The following CHTF18 variants were observed in gnomAD, a reference collection of about 807,000 sequenced individuals.
The protein encoded by CHTF18 is chromosome transmission fidelity factor 18.
A neutral mutation model predicts 113.4 loss-of-function variants in CHTF18; 151 were observed. The ratio of observed to expected loss-of-function variants is 1.33; its 90% confidence interval spans 1.17 to 1.52. CHTF18 has a LOEUF of 1.52. Among genes scored for constraint, CHTF18 ranks in the 40% most tolerant of loss-of-function variants. CHTF18 has a pLI of 0.00. For synonymous variants in CHTF18, 916 were observed against 598.8 expected, an observed-to-expected ratio of 1.53 and a Z score of -7.74; for missense variants, 1,982 against 1,381.6, an observed-to-expected ratio of 1.43 and a Z score of -6.89.
Position 796,760 on chromosome 16 carries a change from A to G in CHTF18, c.2500A>G (p.Lys834Glu). The G allele has an allele frequency of 6.2e-7, 1 of 1,607,948 alleles. No homozygotes were observed. Among genetic ancestry groups the G allele is most frequent in the South Asian group, 1.1e-5 (1 of 91,044 alleles). Reference protein sequence around the residue: ...LCRFPELPARKPLTYQTKQLI... With the variant: ...LCRFPELPAREPLTYQTKQLI... ...CCGCTTCCCTGAGCTGCCTGCCCGCAAGCCCCTCACCTACCAGACGAAGCA... is the reference window on the plus strand; with the variant it reads ...CCGCTTCCCTGAGCTGCCTGCCCGCGAGCCCCTCACCTACCAGACGAAGCA... Residue 834 changes from lysine to glutamate, a missense_variant, in exon 19 of 22, where the codon AAG becomes GAG. Physicochemically the swap from Lys to Glu is moderately conservative, Grantham distance 56. Transcript: ENST00000262315.
Position 789,640 on chromosome 16 carries a change from C to A in CHTF18, c.531C>A (p.Tyr177Ter). ...GGCGGCCCCCCATCTTGGAGGACTACGTCCACGTGACATCCACGGAGGGCG... is the reference window on the plus strand; with the variant it reads ...GGCGGCCCCCCATCTTGGAGGACTAAGTCCACGTGACATCCACGGAGGGCG... ...VLRRPPILED[Y>*]VHVTSTEGVR... Residue 177 changes from tyrosine to a stop codon, truncating the protein, a stop_gained, in exon 4 of 22, where the codon TAC becomes TAA. Transcript: ENST00000262315. LOFTEE classifies it high-confidence loss of function. The A allele has an allele frequency of 6.2e-7, 1 of 1,607,224 alleles. No homozygotes were observed. The highest frequency in any genetic ancestry group is 8.5e-7 in the Non-Finnish European group (1 of 1,179,746).
intron 15 of CHTF18, chr16:794,859 C>T (rs545888857): frequency 3.5e-5 from 17 of 486,986 alleles, no homozygotes; most frequent in Non-Finnish European, 5.9e-5. Context: ...GTCACCCCCT[C>T]GTGTCAGTCT....
intron 14 of CHTF18, 112 bp from the exon 15 acceptor site, chr16:793,939 GAGA>G (rs1299062580): frequency 1.6e-6 from 2 of 1,231,622 alleles, no homozygotes; most frequent in East Asian, 2.4e-5. Context: ...GGGCCCTGCT[GAGA>G]AGAATGAAGT....
At chr16:796,651 C>T (rs1596772797) in intron 18 of CHTF18, 66 bp from the exon 19 acceptor site, 1 of 1,484,992 alleles carries the variant, frequency 6.7e-7, no homozygotes, top group East Asian at 2.4e-5. Flanking sequence ...GTTGGAGTGC[C>T]CGGCGGCTCT....
At chr16:797,625 C>T (rs954679105) in intron 20 of CHTF18, 69 bp from the exon 21 acceptor site, 9 of 1,556,880 alleles carry the variant, frequency 5.8e-6, no homozygotes, top group Admixed American at 3.4e-5. Flanking sequence ...GCTCTCGGTC[C>T]TCCTGTCTTG....
Position 798,019 on chromosome 16 carries a change from T to G in CHTF18, c.*44T>G. 6.3e-7 allele frequency: 1 copy of G among 1,581,418 alleles called. No individual in the cohort carries two copies. The highest frequency in any genetic ancestry group is 2.3e-5 in the East Asian group (1 of 44,328). ...TGCCCTCGCATTGCTTCCCGCAGAGTGCAGAGACAGGAAGCTGGAGATGTC... is the reference window on the plus strand; with the variant it reads ...TGCCCTCGCATTGCTTCCCGCAGAGGGCAGAGACAGGAAGCTGGAGATGTC... On this transcript the variant is annotated 3_prime_UTR_variant, in exon 22 of 22. Transcript: ENST00000262315.
chr16:791,052 T>A (rs1452975834), intron 7 of CHTF18, 109 bp from the exon 8 acceptor site: 66 of 1,497,180 alleles, frequency 4.4e-5, no homozygotes, highest in South Asian at 1.0e-4. Context: ...TGGCCATTCA[T>A]CCTGTGGCTT....
In CHTF18 at chr16:789,242, G is replaced by A. The variant is rs1355572804; in HGVS notation, c.319G>A (p.Val107Ile). Residue 107 changes from valine to isoleucine, a missense_variant, in exon 3 of 22, where the codon GTC (valine) becomes ATC (isoleucine). Val to Ile is a conservative substitution (Grantham distance 29). Coordinates refer to ENST00000262315, the MANE Select transcript of CHTF18 (RefSeq NM_022092.3). ...GATCAAACGGCCTAGGCTGCAGGTGGTCAAGAGGCTGAACTTCAGATCGGA... is the reference window on the plus strand; with the variant it reads ...GATCAAACGGCCTAGGCTGCAGGTGATCAAGAGGCTGAACTTCAGATCGGA... ...PRIKRPRLQV[V>I]KRLNFRSEEM... 5.1e-6 allele frequency: 8 copies of A among 1,555,140 alleles called. No individual in the cohort carries two copies. Among genetic ancestry groups the A allele is most frequent in the Non-Finnish European group, 7.0e-6 (8 of 1,150,054 alleles).
In CHTF18 at chr16:795,718, A is replaced by C; in HGVS notation, c.2209A>C (p.Ile737Leu). ...CCGGATGAGCCAGATGAGGAACCTG[A>C]TCCAGACGCTGGTGTCCGGCATCGC... ...QNRMSQMRNLIQTLVSGIAPA... is the reference protein window; with the variant it reads ...QNRMSQMRNLLQTLVSGIAPA... The change falls in exon 17 of 22, where the codon ATC (isoleucine) becomes CTC (leucine). Residue 737 changes from isoleucine to leucine, a missense_variant. By Grantham distance (5) the Ile-to-Leu change is conservative. Transcript: ENST00000262315. The C allele has an allele frequency of 6.2e-7, 1 of 1,604,524 alleles. No individual in the cohort carries two copies. The highest frequency in any genetic ancestry group is 8.5e-7 in the Non-Finnish European group (1 of 1,177,492).
intron 8 of CHTF18, 157 bp from the exon 9 acceptor site, chr16:791,694 G>T (rs1230716903): frequency 2.7e-5 from 38 of 1,430,962 alleles, no homozygotes; most frequent in Non-Finnish European, 3.4e-5. Context: ...TTGCCATCTT[G>T]GTGTGTGAAA....
Position 794,136 on chromosome 16 carries a change from TCA to T in CHTF18, c.1888_1889del (p.Gln630AlafsTer24). The T allele has an allele frequency of 1.2e-6, 2 of 1,612,420 alleles. No individual in the cohort carries two copies. Among genetic ancestry groups the T allele is most frequent in the Non-Finnish European group, 1.7e-6 (2 of 1,179,724 alleles). ...GGACGCGGGCTCCCTCACCTCCGCCTCACAGCGATTCTACCGTGTCCTGCATG... is the reference window on the plus strand; with the variant it reads ...GGACGCGGGCTCCCTCACCTCCGCCTCAGCGATTCTACCGTGTCCTGCATG... ...DGDAGSLTSA[S>X]QRFYRVLHAA... On this transcript the variant is annotated frameshift_variant, in exon 15 of 22. Coordinates refer to ENST00000262315, the MANE Select transcript of CHTF18 (RefSeq NM_022092.3). LOFTEE classifies it high-confidence loss of function.
intron 7 of CHTF18, 161 bp downstream of exon 7, chr16:790,827 C>A: frequency 7.0e-7 from 1 of 1,432,466 alleles, no homozygotes; most frequent in Non-Finnish European, 9.1e-7. Flanking sequence ...GAGCACAGGG[C>A]TGTGTGCTAC....
At chr16:796,147 G>A (rs752459818) in intron 18 of CHTF18, 70 bp downstream of exon 18, 14 of 1,539,002 alleles carry the variant, frequency 9.1e-6, no homozygotes, top group East Asian at 2.4e-5. Flanking sequence ...TTCAGGGCCC[G>A]CATGGGGCCA....
intron 9 of CHTF18, 55 bp from the exon 10 acceptor site, chr16:792,169 G>GCTGCCCTGCCAGGGACGCCCA: frequency 6.5e-7 from 1 of 1,536,606 alleles, no homozygotes; most frequent in Non-Finnish European, 8.8e-7. Flanking sequence ...GCCTTGGGAG[G>GCTGCCCTGCCAGGGACGCCCA]CTGCCCTGCC....
rs1438279853 is a variant in CHTF18 at position 792,769 on chromosome 16, C to T, written c.1530C>T (p.Phe510=). The T allele has an allele frequency of 1.6e-5, 24 of 1,548,020 alleles. No individual in the cohort carries two copies. Among genetic ancestry groups the T allele is most frequent in the Non-Finnish European group, 1.8e-5 (21 of 1,150,944 alleles). The change falls in exon 12 of 22, where the codon TTC becomes TTT. Residue 510 remains phenylalanine, a synonymous_variant. Transcript: ENST00000262315. Reference sequence around the variant, plus strand: ...AGCAGCAGGCCTTCCTGCTCCACTTCCCGCCGACTCTGCCCTCGAGGCTGG... The same window carrying T: ...AGCAGCAGGCCTTCCTGCTCCACTTTCCGCCGACTCTGCCCTCGAGGCTGG... The part of the protein sequence containing the change: ...QLKQQAFLLH[F]PPTLPSRLVQ...
At chr16:794,257 G>GTGCCCC (rs1315880119) in intron 15 of CHTF18, 56 bp downstream of exon 15, 3 of 1,576,768 alleles carry the variant, frequency 1.9e-6, no homozygotes, top group African/African-American at 2.7e-5. Flanking sequence ...GACCTGGGCT[G>GTGCCCC]TGCCCCTGCC....
At chr16:788,837 G>C in intron 1 of CHTF18, 62 bp downstream of exon 1, 1 of 1,540,368 alleles carries the variant, frequency 6.5e-7, no homozygotes, top group Non-Finnish European at 8.7e-7. Flanking sequence ...GGCGACCTCG[G>C]GGAGGGCGTG....
rs758943156 is a variant in CHTF18 at position 793,160 on chromosome 16, G to A, written c.1688G>A (p.Gly563Asp). 38 of 1,604,488 alleles carry A rather than the reference G, an allele frequency of 2.4e-5. No individual in the cohort carries two copies. In the South Asian group the frequency reaches 3.1e-4, roughly 13 times the overall value. Residue 563 changes from glycine to aspartate, a missense_variant, in exon 14 of 22, where the codon GGC (glycine) becomes GAC (aspartate). Transcript: ENST00000262315. Reference sequence around the variant, plus strand: ...TATGTCTAGTTCCTGTACAGCCGGGGCCAGCGGGAGCTGAGCGTGCGGGAC... The same window carrying A: ...TATGTCTAGTTCCTGTACAGCCGGGACCAGCGGGAGCTGAGCGTGCGGGAC... Reference protein sequence around the residue: ...INTLQFLYSRGQRELSVRDVQ... With the variant: ...INTLQFLYSRDQRELSVRDVQ...
chr16:791,815 C>T (rs754645309), intron 8 of CHTF18, 36 bp from the exon 9 acceptor site: 106 of 1,568,396 alleles, frequency 6.8e-5, no homozygotes, highest in Admixed American at 6.7e-4. Context: ...CCTGTAGGTG[C>T]GGTGCACACT....
Sources: allele counts gnomAD v4.1 joint callset, GRCh38; gene constraint gnomAD v4.1.1; transcripts MANE v1.5; gene names NCBI Gene and HGNC (gene_info 2026-07-23, HGNC 2026-07-21).